Variants in SIPA1L2 observed in about 807,000 individuals in gnomAD.
SIPA1L2 encodes signal induced proliferation associated 1 like 2.
In SIPA1L2, 56 loss-of-function variants were observed where a neutral mutation model predicts 163.9. The observed-to-expected ratio is 0.34, with a 90% CI of 0.28 to 0.43. The LOEUF (loss-of-function observed/expected upper bound fraction) is 0.43. Ranked by LOEUF, SIPA1L2 falls within the 20% of genes least tolerant of loss-of-function variation. SIPA1L2 has a pLI of 1.00. For missense variants in SIPA1L2, 1,974 were observed against 2,193.5 expected (o/e 0.90, Z 2.00); for synonymous variants, 877 against 865.7 (o/e 1.01, Z -0.23).
intron 10 of SIPA1L2, among the ~76,000 whole-genome samples, chr1:232,449,179 G>A (rs535551112): frequency 3.3e-5 from 5 of 152,246 alleles, no homozygotes; most frequent in African/African-American, 1.2e-4. Context: ...CAGTAAGACA[G>A]TTGTAAGGTA....
intron 2 of SIPA1L2, among the ~76,000 whole-genome samples, chr1:232,547,460 T>C (rs1573062673): frequency 6.6e-6 from 1 of 151,074 alleles, no homozygotes; most frequent in East Asian, 2.0e-4. Context: ...TTCAAGCAAA[T>C]GGAGAATCAC....
intron 14 of SIPA1L2, 63 bp downstream of exon 14, chr1:232,441,228 C>T: frequency 2.4e-6 from 3 of 1,273,584 alleles, no homozygotes; most frequent in Non-Finnish European, 3.3e-6. Context: ...GGCTGTACCA[C>T]TGTGTGCTGA....
intron 1 of SIPA1L2, among the ~76,000 whole-genome samples, chr1:232,595,430 G>A (rs1384936000): frequency 1.3e-5 from 2 of 152,176 alleles, no homozygotes; most frequent in Non-Finnish European, 2.9e-5. Context: ...AGGTCGGAAA[G>A]CACACCACCC....
chr1:232,565,126 A>T (rs539623801), intron 2 of SIPA1L2, among the ~76,000 whole-genome samples: 2 of 152,346 alleles, frequency 1.3e-5, no homozygotes, highest in South Asian at 4.1e-4. Flanking sequence ...CTAACAGTTG[A>T]TTTTTCAAAT....
intron 1 of SIPA1L2, among the ~76,000 whole-genome samples, chr1:232,620,018 G>A (rs1662717513): frequency 1.3e-5 from 2 of 152,236 alleles, no homozygotes; most frequent in South Asian, 2.1e-4. Flanking sequence ...CTGAGTAGCT[G>A]GGATTACAGG....
intron 10 of SIPA1L2, among the ~76,000 whole-genome samples, chr1:232,456,147 G>GA (rs1663902178): frequency 6.6e-6 from 1 of 152,134 alleles, no homozygotes; most frequent in African/African-American, 2.4e-5. Flanking sequence ...TAATAAATGG[G>GA]ATAAAGCATG....
chr1:232,460,916 G>A lies in SIPA1L2; in HGVS notation c.3066C>T (p.Ile1022=). 2 of 1,614,162 alleles carry A rather than the reference G, an allele frequency of 1.2e-6. No homozygotes were observed. Among genetic ancestry groups the A allele is most frequent in the East Asian group, 4.5e-5 (2 of 44,870 alleles). Reference sequence around the variant, plus strand: ...GGGGCGAGCCGTCATCATGGGGCTGGATGATGACCACCTTCACAGTCACAG... The same window carrying A: ...GGGGCGAGCCGTCATCATGGGGCTGAATGATGACCACCTTCACAGTCACAG... The part of the protein sequence containing the change: ...RTSVTVKVVI[I]QPHDDGSPRR... Residue 1022 remains isoleucine, a synonymous_variant, in exon 10 of 23, where the codon ATC becomes ATT. Transcript: ENST00000674635.
chr1:232,403,892 C>T (rs112349982), intron 20 of SIPA1L2, among the ~76,000 whole-genome samples: 9,006 of 152,218 alleles, frequency 0.059, 303 homozygotes, highest in Middle Eastern at 0.19. Context: ...GCTGGCTATG[C>T]ATGAAATAAT....
rs538467237 is a variant in SIPA1L2, at chr1:232,608,004, G to A, written c.-319+21865C>T. Among the ~76,000 whole-genome samples, 8 of 133,064 alleles carry A rather than the reference G, an allele frequency of 6.0e-5. No individual in the cohort carries two copies. In the East Asian group the frequency reaches 1.4e-3, roughly 23 times the overall value. 87.3% of individuals were successfully genotyped at this position (133,064 alleles called of 152,430 possible). On this transcript the variant is annotated intron_variant, in intron 1 of 22. Transcript: ENST00000674635. ...GGGGAGGCGGAGGTTGCGGTGAGCC[G>A]AGATCGCACTCCAGCCTGGGCAACA...
At chr1:232,453,332 C>T (rs1663699125) in intron 10 of SIPA1L2, among the ~76,000 whole-genome samples, 2 of 152,124 alleles carry the variant, frequency 1.3e-5, no homozygotes, top group Admixed American at 1.3e-4. Flanking sequence ...AAAGAGAGGG[C>T]AGTTGACCAG....
At chr1:232,513,742 G>A (rs777429609) in intron 3 of SIPA1L2, 115 bp downstream of exon 3, 18 of 1,112,910 alleles carry the variant, frequency 1.6e-5, no homozygotes, top group Non-Finnish European at 2.3e-5. Context: ...CAGGCCCAGT[G>A]GACTATGGCC....
chr1:232,472,684 A>G (rs1368007682), intron 7 of SIPA1L2, among the ~76,000 whole-genome samples: 1 of 152,208 alleles, frequency 6.6e-6, no homozygotes, highest in Non-Finnish European at 1.5e-5. Context: ...GAATGTGACA[A>G]TCTCAGATAG....
At chr1:232,451,029 T>C (rs1026714998) in intron 10 of SIPA1L2, among the ~76,000 whole-genome samples, 3 of 152,194 alleles carry the variant, frequency 2.0e-5, no homozygotes, top group East Asian at 1.9e-4. Flanking sequence ...AAAAGAATGG[T>C]TTTATTTTAA....
chr1:232,549,821 T>C (rs1658271019), intron 2 of SIPA1L2, among the ~76,000 whole-genome samples: 1 of 152,224 alleles, frequency 6.6e-6, no homozygotes, highest in Admixed American at 6.5e-5. Context: ...TTTTGTTTTG[T>C]TTATGTTGCT....
At chr1:232,551,997 G>A (rs1211514945) in intron 2 of SIPA1L2, among the ~76,000 whole-genome samples, 5 of 151,902 alleles carry the variant, frequency 3.3e-5, no homozygotes, top group Non-Finnish European at 5.9e-5. Flanking sequence ...CCGCCCCCAC[G>A]CCTGGCTAAT....
At chr1:232,413,994 G>T (rs1661102837) in intron 19 of SIPA1L2, among the ~76,000 whole-genome samples, 1 of 152,198 alleles carries the variant, frequency 6.6e-6, no homozygotes, top group African/African-American at 2.4e-5. Context: ...TCATGCCCAA[G>T]AAAGTGCTAG....
Position 232,548,753 on chromosome 1 carries a change from A to G in SIPA1L2, c.-270+25421T>C, listed in dbSNP as rs554406897. ...CAACAGGAACGGAGCTCCCCTGAAC[A>G]GAGGGGGCCCAGATCAACTGTGAGG... On this transcript the variant is annotated intron_variant, in intron 2 of 22. Transcript: ENST00000674635. Among the ~76,000 whole-genome samples the G allele has an allele frequency of 3.9e-5, 6 of 152,278 alleles. No homozygotes were observed. The South Asian group carries it at 1.0e-3, about 26-fold the overall frequency.
In SIPA1L2 at chr1:232,403,479, C is replaced by T. The variant is rs1464356116; in HGVS notation, c.4909G>A (p.Gly1637Ser). 6.2e-7 allele frequency: 1 copy of T among 1,614,040 alleles called. No homozygotes were observed. The highest frequency in any genetic ancestry group is 2.2e-5 in the East Asian group (1 of 44,886). ...AQELPLCVDP[G>S]SGKEFMDTTG... ...GTGTCCATGAACTCTTTGCCACTGC[C>T]TGGATCTACACATAAGGGCAGCTCT... Residue 1637 changes from glycine (G) to serine (S), a missense_variant, in exon 21 of 23, where the codon GGC (glycine) becomes AGC (serine). Around this residue, in one of 3 missense-constraint regions of SIPA1L2, gnomAD observed 1,079 missense variants for 1,150.7 expected, o/e 0.94. Transcript: ENST00000674635.
At chr1:232,547,245 T>C (rs1453533569) in intron 2 of SIPA1L2, among the ~76,000 whole-genome samples, 3 of 152,092 alleles carry the variant, frequency 2.0e-5, no homozygotes, top group Admixed American at 6.6e-5. Flanking sequence ...ACAAAACAAA[T>C]CCAGCATTTT....
Sources: allele counts gnomAD v4.1 joint callset (sites outside exome capture counted in the v4.1 genomes callset), GRCh38; gene constraint gnomAD v4.1.1; regional missense constraint gnomAD v4.1.1; transcripts MANE v1.5; gene names NCBI Gene and HGNC (gene_info 2026-07-23, HGNC 2026-07-21).